MLPH: variants seen among roughly 807,000 people sequenced by gnomAD.
MLPH encodes the protein melanophilin, also known as exophilin-3.
A neutral mutation model predicts 72.1 loss-of-function variants in MLPH; 51 were observed. That is an observed-to-expected ratio of 0.71 (90% CI 0.56 to 0.89). MLPH has a LOEUF of 0.89. Ranked by LOEUF, MLPH falls within the 40% of genes least tolerant of loss-of-function variation. The pLI is 0.00. For synonymous variants in MLPH, 301 were observed against 310.1 expected (o/e 0.97, Z 0.31); for missense variants, 743 against 759.9 (o/e 0.98, Z 0.26).
chr2:237,495,812 C>T (rs150486351), intron 2 of MLPH, among the ~76,000 whole-genome samples: 1 of 152,306 alleles, frequency 6.6e-6, no homozygotes, highest in African/African-American at 2.4e-5. Flanking sequence ...CGGCCACGAC[C>T]ACCTTCTCAA....
In MLPH at chr2:237,503,122, A is replaced by G. The variant is rs115310748; in HGVS notation, c.111-7452A>G. ...CAGCAGAGCGAAATTCCATCTCAAA[A>G]ATAAATACATAAATAAATAATAAAA... On this transcript the variant is annotated intron_variant, in intron 2 of 15. Coordinates refer to ENST00000264605, the MANE Select transcript of MLPH (RefSeq NM_024101.7). 3.1e-3 allele frequency among the ~76,000 whole-genome samples: 472 copies of G among 152,294 alleles called. 2 individuals are homozygous for G. The highest frequency in any genetic ancestry group is 0.011 in the African/African-American group (438 of 41,556).
chr2:237,526,639 G>C (rs896621947), intron 7 of MLPH, among the ~76,000 whole-genome samples: 21 of 152,298 alleles, frequency 1.4e-4, no homozygotes, highest in East Asian at 1.9e-4. Flanking sequence ...AGGCAGTCTG[G>C]GGGAGAGGCC....
chr2:237,539,159 T>G (rs1315867708), intron 9 of MLPH, among the ~76,000 whole-genome samples: 2 of 152,078 alleles, frequency 1.3e-5, no homozygotes, highest in Non-Finnish European at 2.9e-5. Context: ...CGGGGAGGCT[T>G]GAGCAGAAGA....
At chr2:237,493,586 C>G (rs1473320812) in intron 2 of MLPH, 50 bp downstream of exon 2, 1 of 1,433,606 alleles carries the variant, frequency 7.0e-7, no homozygotes, top group South Asian at 1.1e-5. Context: ...TGATCTTCCC[C>G]CAGGGCCATC....
intron 8 of MLPH, among the ~76,000 whole-genome samples, chr2:237,533,412 T>TC (rs2080465604): frequency 3.6e-5 from 5 of 137,572 alleles, no homozygotes; most frequent in African/African-American, 1.1e-4. Context: ...TTTTTTTTTT[T>TC]GTCAGAGTCT....
rs149658556 is a variant in MLPH at position 237,542,575 on chromosome 2, C to T, written c.1455C>T (p.Asp485=). ...CTGCTGTCCTCTCGCAGGTTTCAGACATTGAATCCAGGATTGCAGCCCTGA... is the reference window on the plus strand; with the variant it reads ...CTGCTGTCCTCTCGCAGGTTTCAGATATTGAATCCAGGATTGCAGCCCTGA... The part of the protein sequence containing the change: ...EVQQAESEVS[D]IESRIAALRA... Residue 485 remains aspartate, a synonymous_variant, in exon 12 of 16, where the codon GAC becomes GAT. Coordinates refer to ENST00000264605, the MANE Select transcript of MLPH (RefSeq NM_024101.7). 1.0e-4 allele frequency: 161 copies of T among 1,601,370 alleles called. No individual in the cohort carries two copies. Among genetic ancestry groups the T allele is most frequent in the Non-Finnish European group, 1.2e-4 (144 of 1,174,746 alleles).
At chr2:237,516,886 A>AGGATGGACGGTAGGAT (rs1553596151) in intron 4 of MLPH, among the ~76,000 whole-genome samples, 8 of 98,442 alleles carry the variant, frequency 8.1e-5, no homozygotes, top group Non-Finnish European at 1.4e-4. Context: ...GATGGATGGT[A>AGGATGGACGGTAGGAT]GGATGGATGG....
intron 2 of MLPH, among the ~76,000 whole-genome samples, chr2:237,504,594 C>T (rs544191441): frequency 3.9e-5 from 6 of 152,330 alleles, no homozygotes; most frequent in African/African-American, 1.4e-4. Flanking sequence ...CACTGCCCCA[C>T]GGCCAGCCCT....
At chr2:237,511,253 C>A in intron 4 of MLPH, 152 bp downstream of exon 4, 2 of 636,418 alleles carry the variant, frequency 3.1e-6, no homozygotes, top group East Asian at 2.9e-5. Flanking sequence ...TCTGTGAATT[C>A]CTGCTTCTGG....
chr2:237,489,474 A>G (rs2079385316), intron 1 of MLPH, among the ~76,000 whole-genome samples: 1 of 152,030 alleles, frequency 6.6e-6, no homozygotes, highest in African/African-American at 2.4e-5. Flanking sequence ...CACTGATGAG[A>G]GCTGGGGGTC....
At chr2:237,498,354 C>T (rs1172826915) in intron 2 of MLPH, among the ~76,000 whole-genome samples, 5 of 152,324 alleles carry the variant, frequency 3.3e-5, no homozygotes, top group South Asian at 2.1e-4. Context: ...CGTTGAAGGA[C>T]GCTGGGCAGG....
intron 2 of MLPH, among the ~76,000 whole-genome samples, chr2:237,496,231 C>A (rs1413738243): frequency 1.3e-5 from 2 of 152,140 alleles, no homozygotes; most frequent in Non-Finnish European, 2.9e-5. Flanking sequence ...TAGGCGAATG[C>A]AGAGAAATGG....
intron 1 of MLPH, among the ~76,000 whole-genome samples, chr2:237,492,075 GTC>G (rs944491335): frequency 7.2e-5 from 11 of 152,202 alleles, no homozygotes; most frequent in African/African-American, 2.7e-4. Context: ...GAGCCTGAGA[GTC>G]TGTACTTCTA....
chr2:237,545,452 A>G (rs1240482316), intron 12 of MLPH: 1 of 1,287,076 alleles, frequency 7.8e-7, no homozygotes, highest in African/African-American at 1.5e-5. Context: ...TTCTACCCTA[A>G]AAAGGCTCTT....
Position 237,493,407 on chromosome 2 carries a change from G to T in MLPH, c.-20G>T. Reference sequence around the variant, plus strand: ...TGTGATCCTGTGACATTCCAGGTGTGACCCCGACAAGAAGCAGAAATGGGG... The same window carrying T: ...TGTGATCCTGTGACATTCCAGGTGTTACCCCGACAAGAAGCAGAAATGGGG... On this transcript the variant is annotated 5_prime_UTR_variant, in exon 2 of 16. Coordinates refer to ENST00000264605, the MANE Select transcript of MLPH (RefSeq NM_024101.7). 1.9e-6 allele frequency: 3 copies of T among 1,597,174 alleles called. No homozygotes were observed. In the South Asian group the frequency reaches 3.3e-5, roughly 18 times the overall value.
At chr2:237,500,812 C>A (rs62186167) in intron 2 of MLPH, among the ~76,000 whole-genome samples, 8 of 152,074 alleles carry the variant, frequency 5.3e-5, no homozygotes, top group Non-Finnish European at 7.4e-5. Context: ...CGTGGCTCAA[C>A]CAATACAGCC....
intron 15 of MLPH, 102 bp from the exon 16 acceptor site, chr2:237,553,464 A>G (rs2081076609): frequency 9.2e-7 from 1 of 1,083,886 alleles, no homozygotes; most frequent in East Asian, 2.5e-5. Context: ...GTGCACATCC[A>G]TGTACACACC....
At chr2:237,528,752 C>T (rs2080358391) in intron 8 of MLPH, among the ~76,000 whole-genome samples, 1 of 152,206 alleles carries the variant, frequency 6.6e-6, no homozygotes, top group Non-Finnish European at 1.5e-5. Context: ...GAAGCAGTTA[C>T]TTCCCAGTCT....
At chr2:237,513,124 G>A (rs369583164) in intron 4 of MLPH, among the ~76,000 whole-genome samples, 1 of 151,302 alleles carries the variant, frequency 6.6e-6, no homozygotes, top group African/African-American at 2.4e-5. Context: ...AAAAAAGGAG[G>A]GTAAAAAAGC....
Sources: allele counts gnomAD v4.1 joint callset (sites outside exome capture counted in the v4.1 genomes callset), GRCh38; gene constraint gnomAD v4.1.1; transcripts MANE v1.5; gene names NCBI Gene and HGNC (gene_info 2026-07-23, HGNC 2026-07-21).